The following PPIL1 variants were observed in gnomAD, a reference collection of about 807,000 sequenced individuals.
PPIL1 encodes peptidyl-prolyl cis-trans isomerase-like 1.
PPIL1 carries 14 observed loss-of-function variants against 19.4 expected under a neutral mutation model. The observed-to-expected ratio is 0.72, with a 90% CI of 0.48 to 1.13. The LOEUF is 1.13. Ranked by LOEUF, PPIL1 falls within the 50% of genes most tolerant of loss-of-function variation. The pLI is 0.00. For missense variants in PPIL1, 192 were observed against 218.0 expected (o/e 0.88, Z 0.75); for synonymous variants, 72 against 73.6 (o/e 0.98, Z 0.11).
intron 1 of PPIL1, 111 bp downstream of exon 1, chr6:36,874,606 C>T: frequency 2.8e-6 from 4 of 1,405,292 alleles, no homozygotes; most frequent in Admixed American, 3.6e-5. Context: ...TGCTCCACGC[C>T]CCTCCACGTG....
intron 1 of PPIL1, among the ~76,000 whole-genome samples, chr6:36,873,612 T>TA (rs1341364584): frequency 1.3e-5 from 2 of 152,190 alleles, no homozygotes; most frequent in African/African-American, 4.8e-5. Flanking sequence ...TTTGTAACTT[T>TA]AAAAAATACC....
Position 36,855,850 on chromosome 6 carries a change from T to C in PPIL1, c.464A>G (p.Asp155Gly), listed in dbSNP as rs1251582241. Residue 155 changes from aspartate to glycine, a missense_variant, in exon 4 of 4, where the codon GAC (aspartate) becomes GGC (glycine). Coordinates refer to ENST00000373699, the MANE Select transcript of PPIL1 (RefSeq NM_016059.5). The stretch of plus-strand genomic sequence containing the variant: ...GTATGCCTTAATGATCTTCACGTCG[T>C]CCACAGGGCGGTCCTGGGAGTTTGT... ...VETNSQDRPV[D>G]DVKIIKAYPS... 5 of 1,614,146 alleles carry C rather than the reference T, an allele frequency of 3.1e-6. No individual in the cohort carries two copies. The highest frequency in any genetic ancestry group is 1.7e-5 in the Admixed American group (1 of 60,024).
intron 2 of PPIL1, among the ~76,000 whole-genome samples, chr6:36,864,888 G>C (rs2150657754): frequency 6.6e-6 from 1 of 152,254 alleles, no homozygotes; most frequent in Admixed American, 6.5e-5. Context: ...AGCACCGCGA[G>C]GGCTTTCTTA....
At chr6:36,859,380 G>T (rs1328735897) in intron 2 of PPIL1, among the ~76,000 whole-genome samples, 3 of 138,910 alleles carry the variant, frequency 2.2e-5, no homozygotes, top group Non-Finnish European at 3.0e-5. Flanking sequence ...AGCTGAGATC[G>T]CACCACTGCA....
intron 2 of PPIL1, among the ~76,000 whole-genome samples, chr6:36,865,071 T>G (rs1340731077): frequency 2.6e-5 from 4 of 151,984 alleles, no homozygotes; most frequent in Non-Finnish European, 4.4e-5. Flanking sequence ...CATTTACTAC[T>G]CACAACCAGC....
chr6:36,860,852 G>C (rs1000115008), intron 2 of PPIL1, among the ~76,000 whole-genome samples: 1 of 140,832 alleles, frequency 7.1e-6, no homozygotes, highest in South Asian at 2.2e-4. Flanking sequence ...AAAAAGTATT[G>C]TTGTTTTGCA....
chr6:36,871,077 C>T (rs1774499793), intron 2 of PPIL1, among the ~76,000 whole-genome samples: 1 of 152,206 alleles, frequency 6.6e-6, no homozygotes, highest in Non-Finnish European at 1.5e-5. Context: ...AGGTTCCTGC[C>T]TCAGGGCCTC....
rs759772927 is a variant in PPIL1, at chr6:36,874,784, C to T, written c.-12G>A. Reference sequence around the variant, plus strand: ...GGAATTGCCGCCATAGCGAAGCCGGCGGCGGAATGCTTGTCTAGTAATTGC... The same window carrying T: ...GGAATTGCCGCCATAGCGAAGCCGGTGGCGGAATGCTTGTCTAGTAATTGC... On this transcript the variant is annotated 5_prime_UTR_variant, in exon 1 of 4. Coordinates refer to ENST00000373699, the MANE Select transcript of PPIL1 (RefSeq NM_016059.5). 1.9e-6 allele frequency: 3 copies of T among 1,613,836 alleles called. No individual in the cohort carries two copies. In the South Asian group the frequency reaches 3.3e-5, roughly 18 times the overall value.
Position 36,855,935 on chromosome 6 carries a change from T to C in PPIL1, c.379A>G (p.Thr127Ala), listed in dbSNP as rs553128312. ...APTQWLDGKH[T>A]IFGRVCQGIG... Reference sequence around the variant, plus strand: ...CCCTGACACACTCGGCCAAAAATGGTGTGTTTGCCGTCAAGCCACTGGGTG... The same window carrying C: ...CCCTGACACACTCGGCCAAAAATGGCGTGTTTGCCGTCAAGCCACTGGGTG... Residue 127 changes from threonine to alanine, a missense_variant, in exon 4 of 4, where the codon ACC (threonine) becomes GCC (alanine). By Grantham distance (58) the Thr-to-Ala change is moderately conservative. Coordinates refer to ENST00000373699, the MANE Select transcript of PPIL1 (RefSeq NM_016059.5). 5.1e-5 allele frequency: 83 copies of C among 1,614,078 alleles called. No individual in the cohort carries two copies. The highest frequency in any genetic ancestry group is 3.3e-4 in the Middle Eastern group (2 of 6,060).
chr6:36,869,084 C>T (rs1774456189), intron 2 of PPIL1, among the ~76,000 whole-genome samples: 1 of 151,978 alleles, frequency 6.6e-6, no homozygotes, highest in African/African-American at 2.4e-5. Flanking sequence ...CTCCCAGGTT[C>T]AAGTGATCCT....
intron 1 of PPIL1, among the ~76,000 whole-genome samples, 175 bp downstream of exon 1, chr6:36,874,542 T>C (rs543327606): frequency 1.3e-5 from 2 of 152,320 alleles, no homozygotes; most frequent in East Asian, 3.9e-4. Context: ...CCGCGGAGCT[T>C]GGACGCGGGC....
At chr6:36,872,642 C>G (rs1561849936) in intron 1 of PPIL1, among the ~76,000 whole-genome samples, 1 of 151,650 alleles carries the variant, frequency 6.6e-6, no homozygotes, top group Non-Finnish European at 1.5e-5. Flanking sequence ...AGGGTCTCCT[C>G]TGTCACCCAG....
intron 2 of PPIL1, among the ~76,000 whole-genome samples, chr6:36,866,601 T>C (rs2150658382): frequency 6.6e-6 from 1 of 152,234 alleles, no homozygotes; most frequent in Non-Finnish European, 1.5e-5. Flanking sequence ...TGTGACATTA[T>C]GAAGGATCAT....
intron 2 of PPIL1, among the ~76,000 whole-genome samples, chr6:36,864,886 G>A (rs185418685): frequency 3.2e-4 from 49 of 152,164 alleles, no homozygotes; most frequent in Admixed American, 2.5e-3. Context: ...AGAGCACCGC[G>A]AGGGCTTTCT....
chr6:36,872,174 G>A (rs113475646), intron 1 of PPIL1, among the ~76,000 whole-genome samples: 1 of 151,622 alleles, frequency 6.6e-6, no homozygotes, highest in South Asian at 2.1e-4. Context: ...AGCTATATCT[G>A]ATTATCTGAA....
chr6:36,858,806 T>A (rs1411826691), intron 2 of PPIL1, among the ~76,000 whole-genome samples: 2 of 152,224 alleles, frequency 1.3e-5, no homozygotes, highest in African/African-American at 2.4e-5. Flanking sequence ...AACCAATATG[T>A]TCCCTCTGAC....
At position 36,865,148 on chromosome 6, in the gene PPIL1, A is replaced by G. The variant is rs114060808; in HGVS notation, c.211+6570T>C. 4.1e-3 allele frequency among the ~76,000 whole-genome samples: 630 copies of G among 152,282 alleles called. 6 individuals carry two copies. The highest frequency in any genetic ancestry group is 0.014 in the African/African-American group (597 of 41,558). On this transcript the variant is annotated intron_variant, in intron 2 of 3. Transcript: ENST00000373699. ...CTCAGCAGGGTAAGGCAACTCCTCT[A>G]CATTTAGTAAGTATTCATGTGAAGC...
At chr6:36,860,267 A>C (rs1179184298) in intron 2 of PPIL1, among the ~76,000 whole-genome samples, 1 of 151,976 alleles carries the variant, frequency 6.6e-6, no homozygotes, top group Non-Finnish European at 1.5e-5. Flanking sequence ...AGGAGTTGAG[A>C]CCAGCCTAAG....
At position 36,855,588 on chromosome 6, in the gene PPIL1, CAG is replaced by C. The variant is rs1774149112; in HGVS notation, c.*223_*224del. The C allele has an allele frequency of 6.2e-5, 35 of 564,308 alleles. No individual in the cohort carries two copies. The South Asian group carries it at 6.9e-4, about 11-fold the overall frequency. 35.0% of individuals were successfully genotyped at this position (564,308 alleles called of 1,614,324 possible). On this transcript the variant is annotated 3_prime_UTR_variant, in exon 4 of 4. Transcript: ENST00000373699. ...TAGTAAGTAGTCACCTATTGATAAA[CAG>C]GGGCATTTGTGCAAATGCTCTGGCA... is the stretch of plus-strand genomic sequence containing the variant.
Sources: gnomAD v4.1 joint callset for allele counts (sites outside exome capture counted in the v4.1 genomes callset) on GRCh38, gnomAD v4.1.1 for gene constraint, MANE v1.5 for transcripts, NCBI Gene and HGNC (gene_info 2026-07-23, HGNC 2026-07-21) for gene names.